CRISPLD2: variants seen among roughly 807,000 people sequenced by gnomAD.
The protein encoded by CRISPLD2 is cysteine-rich secretory protein LCCL domain-containing 2.
A neutral mutation model predicts 71.1 loss-of-function variants in CRISPLD2; 47 were observed. The observed-to-expected ratio is 0.66, with a 90% CI of 0.52 to 0.84. The LOEUF (loss-of-function observed/expected upper bound fraction) is 0.84, where lower values mean the gene tolerates loss of function less well. Ranked by LOEUF, CRISPLD2 falls within the 40% of genes least tolerant of loss-of-function variation. CRISPLD2 has a pLI of 0.00. For synonymous variants in CRISPLD2, 317 were observed against 250.1 expected (o/e 1.27, Z -2.52); for missense variants, 830 against 651.1 (o/e 1.27, Z -2.99).
chr16:84,861,968 G>C (rs1007258355), intron 6 of CRISPLD2, among the ~76,000 whole-genome samples: 11 of 152,088 alleles, frequency 7.2e-5, no homozygotes, highest in African/African-American at 2.7e-4. Context: ...GAAAGTAAAA[G>C]CAAACAACGT....
Position 84,854,719 on chromosome 16 carries a change from C to G in CRISPLD2, c.609-10C>G. The G allele has an allele frequency of 6.2e-7, 1 of 1,611,284 alleles. No individual in the cohort carries two copies. Among genetic ancestry groups the G allele is most frequent in the Non-Finnish European group, 8.5e-7 (1 of 1,177,430 alleles). The stretch of plus-strand genomic sequence containing the variant: ...TTCCCTCTGACGGTTGTTTTTGGGT[C>G]TGTCCTCAGGGGGAACTGGATTGGA... On this transcript the variant is annotated splice_polypyrimidine_tract_variant and intron_variant, in intron 5 of 14. Transcript: ENST00000262424.
In CRISPLD2 at chr16:84,884,096, C is replaced by T. The variant is rs535366165; in HGVS notation, c.1305+3512C>T. Among the ~76,000 whole-genome samples the T allele has an allele frequency of 2.4e-3, 372 of 152,296 alleles. 1 individual carries two copies. Among genetic ancestry groups the T allele is most frequent in the Admixed American group, 3.3e-3 (50 of 15,306 alleles). On this transcript the variant is annotated intron_variant, in intron 13 of 14. Transcript: ENST00000262424. ...CTGACCTCAAGTGATCTGCCTGCCT[C>T]TGCCTCCCAAAGTGCTGGGATTACA...
intron 13 of CRISPLD2, among the ~76,000 whole-genome samples, chr16:84,882,877 C>T (rs1447812400): frequency 6.6e-6 from 1 of 152,134 alleles, no homozygotes; most frequent in Admixed American, 6.5e-5. Context: ...AACATGTGTC[C>T]GGCTTTCGAC....
rs955641384 is a variant in CRISPLD2, at chr16:84,820,851, C to G, written c.-75+718C>G. On this transcript the variant is annotated intron_variant, in intron 1 of 14. Coordinates refer to ENST00000262424, the MANE Select transcript of CRISPLD2 (RefSeq NM_031476.4). The stretch of plus-strand genomic sequence containing the variant: ...TAACTCCTGCGTGGGGAGAGTTACC[C>G]TGGAAGCGGAGGGCTCACTCTGGAG... Among the ~76,000 whole-genome samples the G allele has an allele frequency of 5.3e-5, 8 of 152,288 alleles. No homozygotes were observed. In the East Asian group the frequency reaches 1.4e-3, roughly 26 times the overall value.
intron 1 of CRISPLD2, among the ~76,000 whole-genome samples, chr16:84,833,316 A>C (rs1329201111): frequency 6.6e-6 from 1 of 151,810 alleles, no homozygotes; most frequent in East Asian, 1.9e-4. Context: ...GTGTGTTTTC[A>C]TGAGGTCTCG....
At chr16:84,859,073 T>G (rs1917315887) in intron 6 of CRISPLD2, among the ~76,000 whole-genome samples, 1 of 152,180 alleles carries the variant, frequency 6.6e-6, no homozygotes, top group Non-Finnish European at 1.5e-5. Context: ...TGCGATATTG[T>G]TTTTGATTTA....
chr16:84,898,808 G>C (rs972699399), intron 14 of CRISPLD2, among the ~76,000 whole-genome samples: 4 of 152,182 alleles, frequency 2.6e-5, no homozygotes, highest in Non-Finnish European at 5.9e-5. Flanking sequence ...TTGGTTCAGA[G>C]TTGGTTGAGG....
chr16:84,881,354 C>T (rs1369041795), intron 13 of CRISPLD2, among the ~76,000 whole-genome samples: 1 of 152,228 alleles, frequency 6.6e-6, no homozygotes, highest in African/African-American at 2.4e-5. Context: ...ATCTCTTCCT[C>T]TGTTTTTTCC....
At chr16:84,896,674 T>A (rs994215341) in intron 14 of CRISPLD2, among the ~76,000 whole-genome samples, 1 of 152,136 alleles carries the variant, frequency 6.6e-6, no homozygotes, top group Non-Finnish European at 1.5e-5. Flanking sequence ...TTCAGTGCAT[T>A]TCCGATGTGG....
intron 6 of CRISPLD2, among the ~76,000 whole-genome samples, chr16:84,859,224 C>G (rs551064478): frequency 1.3e-5 from 2 of 152,272 alleles, no homozygotes; most frequent in East Asian, 3.9e-4. Flanking sequence ...CATTCTGACA[C>G]TGGGGAAGTG....
intron 14 of CRISPLD2, among the ~76,000 whole-genome samples, chr16:84,897,198 C>T (rs1209905490): frequency 6.6e-6 from 1 of 151,314 alleles, no homozygotes; most frequent in Non-Finnish European, 1.5e-5. Context: ...AATCCAGGTA[C>T]ATTGGGAGGC....
chr16:84,878,429 C>T (rs1237917981), intron 12 of CRISPLD2, among the ~76,000 whole-genome samples: 1 of 152,170 alleles, frequency 6.6e-6, no homozygotes, highest in African/African-American at 2.4e-5. Flanking sequence ...ATTATGGCGC[C>T]GTGGCAGGGT....
chr16:84,843,960 G>C (rs1418620690), intron 2 of CRISPLD2, among the ~76,000 whole-genome samples: 1 of 152,244 alleles, frequency 6.6e-6, no homozygotes, highest in East Asian at 1.9e-4. Flanking sequence ...GGTACTCCCT[G>C]CTGGGGGGTC....
chr16:84,873,770 C>G, intron 10 of CRISPLD2, 150 bp from the exon 11 acceptor site: 2 of 742,744 alleles, frequency 2.7e-6, no homozygotes, highest in East Asian at 2.8e-5. Flanking sequence ...CTAGAACATT[C>G]TAAGAGCTCT....
intron 12 of CRISPLD2, 121 bp from the exon 13 acceptor site, chr16:84,880,387 AC>A: frequency 1.5e-6 from 1 of 677,072 alleles, no homozygotes; most frequent in Non-Finnish European, 2.5e-6. Context: ...AATGAGGAAA[AC>A]TGTATGGCGG....
chr16:84,842,801 G>A (rs948312394), intron 2 of CRISPLD2, among the ~76,000 whole-genome samples: 3 of 152,190 alleles, frequency 2.0e-5, no homozygotes, highest in Non-Finnish European at 2.9e-5. Flanking sequence ...CATTGAATCC[G>A]CGCATCCCTG....
At chr16:84,860,379 A>T (rs1409507831) in intron 6 of CRISPLD2, among the ~76,000 whole-genome samples, 3 of 152,156 alleles carry the variant, frequency 2.0e-5, no homozygotes, top group Non-Finnish European at 2.9e-5. Flanking sequence ...TTGAAAATTC[A>T]AGCAGTTCTT....
At position 84,868,975 on chromosome 16, in the gene CRISPLD2, C is replaced by T. The variant is rs1004829369; in HGVS notation, c.914+64C>T. On this transcript the variant is annotated intron_variant, in intron 8 of 14. Transcript: ENST00000262424. ...GAGTCTGTGCTGGGCTGTCCTACCACTGTGGCCTCTGGGCCTATGCTGGGC... is the reference window on the plus strand; with the variant it reads ...GAGTCTGTGCTGGGCTGTCCTACCATTGTGGCCTCTGGGCCTATGCTGGGC... 15 of 1,405,454 alleles carry T rather than the reference C, an allele frequency of 1.1e-5. No homozygotes were observed. In the African/African-American group the frequency reaches 1.8e-4, roughly 16 times the overall value. 87.1% of individuals were successfully genotyped at this position (1,405,454 alleles called of 1,614,324 possible). A position where few individuals can be genotyped will look rare whatever the true frequency, so the allele number is the denominator to read the frequency against.
At chr16:84,844,205 A>G (rs1401169082) in intron 2 of CRISPLD2, among the ~76,000 whole-genome samples, 3 of 152,196 alleles carry the variant, frequency 2.0e-5, no homozygotes, top group Non-Finnish European at 4.4e-5. Flanking sequence ...CCCAGGAGTC[A>G]TGTGTGTTCC....
Sources: allele counts gnomAD v4.1 joint callset (sites outside exome capture counted in the v4.1 genomes callset), GRCh38; gene constraint gnomAD v4.1.1; transcripts MANE v1.5; gene names NCBI Gene and HGNC (gene_info 2026-07-23, HGNC 2026-07-21).